Variants in NOTCH2NLA observed in about 807,000 individuals in gnomAD.
NOTCH2NLA encodes notch homolog 2 N-terminal-like protein A.
chr1:146,200,861 C>CAAAGACAGA (rs1663390962), intron 1 of NOTCH2NLA, among the ~76,000 whole-genome samples: 1 of 76,702 alleles, frequency 1.3e-5, no homozygotes, highest in Non-Finnish European at 2.7e-5. Context: ...ACAAAGACAG[C>CAAAGACAGA]AAAGACAGAA....
At chr1:146,206,216 T>TA in intron 1 of NOTCH2NLA, among the ~76,000 whole-genome samples, 1 of 21,246 alleles carries the variant, frequency 4.7e-5, no homozygotes, top group East Asian at 6.8e-4. Flanking sequence ...ATCACCCACC[T>TA]AATGAAGATA....
intron 3 of NOTCH2NLA, among the ~76,000 whole-genome samples, chr1:146,159,429 AAGAAAG>A (rs1661365221): frequency 6.7e-6 from 1 of 150,266 alleles, no homozygotes; most frequent in African/African-American, 2.5e-5. Context: ...GAAAGAAAGA[AAGAAAG>A]AAAGAAAGAA....
intron 2 of NOTCH2NLA, among the ~76,000 whole-genome samples, chr1:146,172,969 G>A (rs1486171222): frequency 2.0e-5 from 3 of 149,584 alleles, no homozygotes; most frequent in South Asian, 2.1e-4. Context: ...TCTCTACTCT[G>A]TGATCTGTCT....
intron 1 of NOTCH2NLA, chr1:146,228,334 C>T: frequency 1.0e-6 from 1 of 980,888 alleles, no homozygotes. Flanking sequence ...CGTCGGCTCT[C>T]GCTCGACCCC....
intron 2 of NOTCH2NLA, among the ~76,000 whole-genome samples, chr1:146,182,425 A>C (rs1553809363): frequency 7.1e-6 from 1 of 139,884 alleles, no homozygotes; most frequent in East Asian, 1.9e-4. Flanking sequence ...AAGTAAATAC[A>C]TGTAAACTAC....
At chr1:146,187,035 C>A (rs1181735014) in intron 2 of NOTCH2NLA, among the ~76,000 whole-genome samples, 1 of 129,166 alleles carries the variant, frequency 7.7e-6, no homozygotes, top group Non-Finnish European at 1.8e-5. Context: ...CCTTTCCCCC[C>A]ACCCCCTGAC....
At chr1:146,205,029 A>G (rs1663541843) in intron 1 of NOTCH2NLA, among the ~76,000 whole-genome samples, 1 of 72,136 alleles carries the variant, frequency 1.4e-5, no homozygotes, top group Non-Finnish European at 3.7e-5. Context: ...ATACAACCTA[A>G]TTCACATATA....
At chr1:146,180,555 A>G (rs2102313818) in intron 2 of NOTCH2NLA, among the ~76,000 whole-genome samples, 1 of 143,268 alleles carries the variant, frequency 7.0e-6, no homozygotes, top group East Asian at 1.9e-4. Flanking sequence ...ACAGTGAATA[A>G]ATAGGATCTA....
intron 3 of NOTCH2NLA, among the ~76,000 whole-genome samples, chr1:146,159,367 G>A (rs1365029016): frequency 6.8e-6 from 1 of 147,088 alleles, no homozygotes; most frequent in African/African-American, 2.5e-5. Flanking sequence ...AAGAGAGAGG[G>A]AAAGAGAGAG....
chr1:146,174,803 G>A (rs1240675003), intron 2 of NOTCH2NLA, among the ~76,000 whole-genome samples: 1 of 139,302 alleles, frequency 7.2e-6, no homozygotes, highest in Non-Finnish European at 1.7e-5. Flanking sequence ...TGAGGTAAGG[G>A]CAGGGGAAAA....
intron 3 of NOTCH2NLA, among the ~76,000 whole-genome samples, chr1:146,159,423 GAAA>G (rs1450275820): frequency 1.3e-5 from 2 of 149,338 alleles, no homozygotes; most frequent in African/African-American, 4.9e-5. Context: ...AAGAAAGAAA[GAAA>G]GAAAGAAAGA....
At chr1:146,228,867 T>G (rs1371737029) in exon 1 of NOTCH2NLA, 2 of 1,477,204 alleles carry the variant, frequency 1.4e-6, no homozygotes, top group African/African-American at 3.0e-5. Flanking sequence ...GGAGCCCCAC[T>G]CTCTCCTCCC....
chr1:146,174,769 G>C lies in NOTCH2NLA; in HGVS notation c.39-9759C>G, dbSNP rs587690021. ...CAGCCTGCCCTAGCTGAGCTCTAGA[G>C]GGGGGAGCTGTCGTTAAGGTAAATG... On this transcript the variant is annotated intron_variant, in intron 2 of 4. Coordinates refer to ENST00000362074, the Ensembl canonical transcript of NOTCH2NLA. Among the ~76,000 whole-genome samples the C allele has an allele frequency of 1.8e-4, 26 of 142,478 alleles. No homozygotes were observed. The East Asian group carries it at 3.1e-3, about 17-fold the overall frequency. The allele number at this position is 142,478 out of a possible 152,430, so 93.5% of individuals were successfully genotyped here.
At chr1:146,154,003 C>CCACACACA (rs1441690877), downstream of NOTCH2NLA, 1 of 73,390 alleles carries the variant, frequency 1.4e-5, no homozygotes. Context: ...CTGCACAACG[C>CCACACACA]CATACACACA....
intron 3 of NOTCH2NLA, among the ~76,000 whole-genome samples, chr1:146,157,533 C>T (rs1337135497): frequency 1.4e-5 from 1 of 74,030 alleles, no homozygotes; most frequent in Non-Finnish European, 2.8e-5. Flanking sequence ...CTCAAAAGTT[C>T]CAACCTCTGT....
chr1:146,154,013 A>T (rs1661019898), downstream of NOTCH2NLA: 1 of 57,816 alleles, frequency 1.7e-5, no homozygotes, highest in African/African-American at 1.2e-4. Context: ...CCATACACAC[A>T]CACACACACA....
At chr1:146,210,513 T>G (rs1326474687) in intron 1 of NOTCH2NLA, among the ~76,000 whole-genome samples, 4 of 59,256 alleles carry the variant, frequency 6.8e-5, no homozygotes, top group African/African-American at 4.0e-4. Flanking sequence ...CTATGCAGCA[T>G]TCTGGACAGC....
rs374296452 is a variant in NOTCH2NLA at position 146,219,806 on chromosome 1, A to AATAT, written c.-45+8899_-45+8902dup. ...ATCTGTTCATAAACTAAAAAAAAAA[A>AATAT]ATATATATATATATATAAATAAATC... is the stretch of plus-strand genomic sequence containing the variant. On this transcript the variant is annotated intron_variant, in intron 1 of 4. Coordinates refer to ENST00000362074, the Ensembl canonical transcript of NOTCH2NLA. Among the ~76,000 whole-genome samples the AATAT allele has an allele frequency of 3.8e-4, 34 of 88,588 alleles. 9 individuals are homozygous for AATAT. The highest frequency in any genetic ancestry group is 1.8e-3 in the African/African-American group (27 of 14,778). The allele number at this position is 88,588 out of a possible 152,430, so 58.1% of individuals were successfully genotyped here. A position where few individuals can be genotyped will look rare whatever the true frequency, so the allele number is the denominator to read the frequency against.
intron 2 of NOTCH2NLA, among the ~76,000 whole-genome samples, chr1:146,180,356 C>T (rs1395781760): frequency 2.2e-5 from 3 of 138,654 alleles, no homozygotes; most frequent in Non-Finnish European, 3.2e-5. Context: ...TAATGTCTTT[C>T]TTAGTCTTTA....
Sources: gnomAD v4.1 joint callset for allele counts (sites outside exome capture counted in the v4.1 genomes callset) on GRCh38, gnomAD v4.1.1 for gene constraint, MANE v1.5 for transcripts, NCBI Gene and HGNC (gene_info 2026-07-23, HGNC 2026-07-21) for gene names.